The following COL5A2 variants were observed in gnomAD, a reference collection of about 807,000 sequenced individuals.
COL5A2 encodes the protein collagen type V alpha 2 chain.
Under a neutral mutation model 208.2 loss-of-function variants are expected in COL5A2, and 23 were observed. That is an observed-to-expected ratio of 0.11 (90% CI 0.08 to 0.16). The LOEUF (loss-of-function observed/expected upper bound fraction) is 0.16, where lower values mean the gene tolerates loss of function less well. Ranked by LOEUF, COL5A2 falls within the 10% of genes least tolerant of loss-of-function variation. The pLI is 1.00. For synonymous variants in COL5A2, 625 were observed against 628.5 expected (o/e 0.99, Z 0.08); for missense variants, 1,590 against 1,956.4 (o/e 0.81, Z 3.53).
intron 1 of COL5A2, among the ~76,000 whole-genome samples, chr2:189,144,209 A>G (rs1241501784): frequency 6.6e-6 from 1 of 152,170 alleles, no homozygotes; most frequent in Non-Finnish European, 1.5e-5. Context: ...TTTCTGAACA[A>G]TTCAAAAACT....
At chr2:189,226,718 C>T (rs993761772), upstream of COL5A2, among the ~76,000 whole-genome samples, 2 of 151,982 alleles carry the variant, frequency 1.3e-5, no homozygotes, top group African/African-American at 2.4e-5. Context: ...ACCACAGTAT[C>T]GCAGACAGAG....
At chr2:189,040,870 G>C (rs557502292) in intron 50 of COL5A2, among the ~76,000 whole-genome samples, 4 of 152,116 alleles carry the variant, frequency 2.6e-5, no homozygotes, top group Non-Finnish European at 5.9e-5. Flanking sequence ...CATATCTCTT[G>C]TCCATAGGAA....
chr2:189,371,715 T>C, the COL5A2 span, among the ~76,000 whole-genome samples: 1 of 152,220 alleles, frequency 6.6e-6, no homozygotes. Flanking sequence ...CTGCTTCTAA[T>C]AGCCTAAAAT....
chr2:189,044,734 A>T (rs1016815319), intron 47 of COL5A2, among the ~76,000 whole-genome samples: 18 of 152,174 alleles, frequency 1.2e-4, no homozygotes, highest in African/African-American at 4.1e-4. Context: ...CTATATAATA[A>T]TGTTAACCTG....
the COL5A2 span, among the ~76,000 whole-genome samples, chr2:189,361,775 A>AT: frequency 2.0e-5 from 3 of 151,964 alleles, no homozygotes; most frequent in African/African-American, 7.2e-5. Context: ...TGGTATATCT[A>AT]TTATAGGTAT....
the COL5A2 span, among the ~76,000 whole-genome samples, chr2:189,343,776 A>C: frequency 1.3e-5 from 2 of 152,150 alleles, no homozygotes; most frequent in Non-Finnish European, 2.9e-5. Context: ...TTAAACTAAC[A>C]ACATTAAATT....
intron 1 of COL5A2, among the ~76,000 whole-genome samples, chr2:189,151,844 G>A (rs1025656388): frequency 2.0e-5 from 3 of 152,012 alleles, no homozygotes; most frequent in African/African-American, 7.2e-5. Context: ...TTATATACAA[G>A]CTATATTTAT....
At chr2:189,258,842 C>G in the COL5A2 span, among the ~76,000 whole-genome samples, 1 of 152,144 alleles carries the variant, frequency 6.6e-6, no homozygotes, top group South Asian at 2.1e-4. Context: ...AACTTCAGCT[C>G]TGACAGCCAA....
intron 1 of COL5A2, among the ~76,000 whole-genome samples, chr2:189,115,092 A>T (rs1211954150): frequency 6.6e-6 from 1 of 152,166 alleles, no homozygotes; most frequent in Non-Finnish European, 1.5e-5. Flanking sequence ...CAATAAATTG[A>T]ATCCATTGTG....
intron 48 of COL5A2, 89 bp downstream of exon 48, chr2:189,043,062 A>G (rs1225818892): frequency 2.1e-6 from 2 of 946,512 alleles, no homozygotes; most frequent in Non-Finnish European, 3.4e-6. Context: ...AAACATATCC[A>G]CCTATTTTAC....
intron 1 of COL5A2, among the ~76,000 whole-genome samples, chr2:189,120,269 C>T (rs1243289997): frequency 6.6e-6 from 1 of 152,054 alleles, no homozygotes; most frequent in Non-Finnish European, 1.5e-5. Flanking sequence ...GTGTATTTCA[C>T]TAGTGCATTC....
the COL5A2 span, among the ~76,000 whole-genome samples, chr2:189,403,931 C>T: frequency 6.6e-6 from 1 of 152,114 alleles, no homozygotes; most frequent in South Asian, 2.1e-4. Flanking sequence ...CAGGGTTTCA[C>T]CATGTTGGCC....
Position 189,078,552 on chromosome 2 carries a change from T to G in COL5A2, c.1023A>C (p.Pro341=). 1 of 1,612,658 alleles carries G rather than the reference T, an allele frequency of 6.2e-7. No homozygotes were observed. The highest frequency in any genetic ancestry group is 1.3e-5 in the African/African-American group (1 of 74,980). The part of the protein sequence containing the change: ...AMGPLGPRGM[P]GERGRLGPQG... The stretch of plus-strand genomic sequence containing the variant: ...GTGGCCCAAGTCTCCCTCTCTCTCC[T>G]GGCATTCCCCTCGGACCCTATAGAC... Residue 341 remains proline (P), a synonymous_variant, in exon 16 of 54, where the codon CCA becomes CCC. Coordinates refer to ENST00000374866, the MANE Select transcript of COL5A2 (RefSeq NM_000393.5).
chr2:189,384,063 T>G, the COL5A2 span, among the ~76,000 whole-genome samples: 3 of 152,072 alleles, frequency 2.0e-5, no homozygotes, highest in Non-Finnish European at 1.5e-5. Context: ...CCATTTCCAT[T>G]CATGTTTTTG....
chr2:189,337,327 C>G, the COL5A2 span, among the ~76,000 whole-genome samples: 1 of 150,228 alleles, frequency 6.7e-6, no homozygotes, highest in African/African-American at 2.4e-5. Context: ...GGACTACAGG[C>G]GCCCGCCACT....
intron 1 of COL5A2, among the ~76,000 whole-genome samples, chr2:189,138,607 T>C (rs761202891): frequency 5.9e-5 from 9 of 152,138 alleles, no homozygotes; most frequent in African/African-American, 1.9e-4. Context: ...GATAGCATTC[T>C]CCAATATAAG....
intron 1 of COL5A2, among the ~76,000 whole-genome samples, chr2:189,157,270 T>C (rs1442134019): frequency 6.6e-6 from 1 of 151,838 alleles, no homozygotes; most frequent in Non-Finnish European, 1.5e-5. Flanking sequence ...ATAAATTTGC[T>C]TTATTTTTTA....
intron 47 of COL5A2, among the ~76,000 whole-genome samples, chr2:189,043,499 T>C (rs1685602652): frequency 6.6e-6 from 1 of 152,160 alleles, no homozygotes; most frequent in South Asian, 2.1e-4. Flanking sequence ...TCTGAAGATT[T>C]ATTTTTTAAA....
At chr2:189,409,218 T>C in the COL5A2 span, among the ~76,000 whole-genome samples, 1 of 146,766 alleles carries the variant, frequency 6.8e-6, no homozygotes. Context: ...TTTTTTTTTT[T>C]TTTTTTTTTA....
Sources: gnomAD v4.1 joint callset for allele counts (sites outside exome capture counted in the v4.1 genomes callset) on GRCh38, gnomAD v4.1.1 for gene constraint, MANE v1.5 for transcripts, NCBI Gene and HGNC (gene_info 2026-07-23, HGNC 2026-07-21) for gene names.